NRG1: variants seen among roughly 807,000 people sequenced by gnomAD.
NRG1 encodes the protein pro-neuregulin-1, membrane-bound isoform.
NRG1 carries 18 observed loss-of-function variants against 63.8 expected under a neutral mutation model. That is an observed-to-expected ratio of 0.28 (90% CI 0.19 to 0.42). The LOEUF is 0.42. NRG1 is among the 10% of genes least tolerant of loss of function. NRG1 has a pLI of 1.00. For missense variants in NRG1, 762 were observed against 814.7 expected (o/e 0.94, Z 0.79); for synonymous variants, 302 against 301.3 (o/e 1.00, Z -0.02).
chr8:31,959,263 T>C (rs1292765622), intron 1 of NRG1, among the ~76,000 whole-genome samples: 2 of 152,248 alleles, frequency 1.3e-5, no homozygotes, highest in Non-Finnish European at 2.9e-5. Flanking sequence ...AAATTATCTA[T>C]TCTTGTCTCT....
intron 1 of NRG1, among the ~76,000 whole-genome samples, chr8:31,741,401 C>T (rs920912229): frequency 7.2e-5 from 11 of 151,796 alleles, no homozygotes; most frequent in Admixed American, 7.2e-4. Context: ...TAAATAAATG[C>T]ATTAACTTTT....
At chr8:32,373,586 G>A (rs530872412) in intron 1 of NRG1, among the ~76,000 whole-genome samples, 1 of 152,104 alleles carries the variant, frequency 6.6e-6, no homozygotes, top group African/African-American at 2.4e-5. Context: ...AGACCAGCCT[G>A]GCCAACATGG....
At chr8:31,993,862 C>G (rs368946657) in intron 1 of NRG1, among the ~76,000 whole-genome samples, 1 of 152,042 alleles carries the variant, frequency 6.6e-6, no homozygotes, top group Non-Finnish European at 1.5e-5. Flanking sequence ...AGCCTGATGA[C>G]AGGGATACTA....
chr8:32,332,946 A>T lies in NRG1; in HGVS notation c.38-262882A>T, dbSNP rs538727243. Among the ~76,000 whole-genome samples, 149 of 152,336 alleles carry T rather than the reference A, an allele frequency of 9.8e-4. 2 individuals are homozygous for T. Among genetic ancestry groups the T allele is most frequent in the African/African-American group, 3.4e-3 (141 of 41,574 alleles). On this transcript the variant is annotated intron_variant, in intron 1 of 10. Transcript: ENST00000519301. ...AAGCATTCTGAAGAAAGGAAAGGTT[A>T]CCTGGAATCCCATGACCCTGAAATA...
Position 31,916,662 on chromosome 8 carries a change from C to T in NRG1, c.37+277231C>T, listed in dbSNP as rs1411463011. ...CTATTGTGAATAGTGCTGCAATAAA[C>T]ACATGTGTGCATGTGTCTTTATAGC... On this transcript the variant is annotated intron_variant, in intron 1 of 10. Coordinates refer to the NRG1 transcript ENST00000519301. Among the ~76,000 whole-genome samples the T allele has an allele frequency of 3.3e-5, 5 of 152,256 alleles. No individual in the cohort carries two copies. In the East Asian group the frequency reaches 7.7e-4, roughly 24 times the overall value.
At chr8:31,984,927 T>G (rs958986558) in intron 1 of NRG1, among the ~76,000 whole-genome samples, 7 of 152,022 alleles carry the variant, frequency 4.6e-5, no homozygotes, top group African/African-American at 1.7e-4. Flanking sequence ...GCACTGGGGG[T>G]CGTTTCTGGA....
chr8:32,317,433 C>T (rs1344610386), intron 1 of NRG1, among the ~76,000 whole-genome samples: 1 of 152,158 alleles, frequency 6.6e-6, no homozygotes, highest in Non-Finnish European at 1.5e-5. Flanking sequence ...ATCATTGAAA[C>T]AAAGCCGAGG....
At chr8:32,070,677 A>C (rs1426364993) in intron 1 of NRG1, among the ~76,000 whole-genome samples, 1 of 152,274 alleles carries the variant, frequency 6.6e-6, no homozygotes, top group South Asian at 2.1e-4. Flanking sequence ...GTATCACCCT[A>C]GTCCAAGCTC....
chr8:32,372,066 G>A (rs933969258), intron 1 of NRG1, among the ~76,000 whole-genome samples: 1 of 143,156 alleles, frequency 7.0e-6, no homozygotes, highest in Admixed American at 7.5e-5. Flanking sequence ...ATGACTGACT[G>A]TGGTGTCAAC....
rs868094776 is a variant in NRG1 at position 31,640,555 on chromosome 8, C to T, written c.37+1124C>T. 1 of 1,611,794 alleles carries T rather than the reference C, an allele frequency of 6.2e-7. No individual in the cohort carries two copies. Among genetic ancestry groups the T allele is most frequent in the East Asian group, 2.2e-5 (1 of 44,742 alleles). On this transcript the variant is annotated intron_variant, in intron 1 of 10. Coordinates refer to the NRG1 transcript ENST00000519301. This position sits in a 1 kb window ranked among gnomAD's most constrained non-coding sequence, Gnocchi z 6.3. ...CGTGCGCCTGGGGACCTGGGGCCAC[C>T]CCGCCTTCCCCTCCTGCGGGAGGCT...
chr8:31,972,224 G>A (rs1242883492), intron 1 of NRG1, among the ~76,000 whole-genome samples: 1 of 151,992 alleles, frequency 6.6e-6, no homozygotes, highest in African/African-American at 2.4e-5. Context: ...GAGTTACAAG[G>A]CCCTGGAAAT....
chr8:32,024,944 G>T (rs932552309), intron 1 of NRG1, among the ~76,000 whole-genome samples: 1 of 152,242 alleles, frequency 6.6e-6, no homozygotes, highest in Admixed American at 6.5e-5. Context: ...AGATATATCT[G>T]TATCTATGTC....
At chr8:31,697,097 A>G (rs983118698) in intron 1 of NRG1, among the ~76,000 whole-genome samples, 1 of 152,126 alleles carries the variant, frequency 6.6e-6, no homozygotes, top group Non-Finnish European at 1.5e-5. Context: ...TTTTTCTGGA[A>G]AACTACTGGC....
chr8:32,404,417 G>A (rs940553105), intron 1 of NRG1, among the ~76,000 whole-genome samples: 3 of 151,918 alleles, frequency 2.0e-5, no homozygotes, highest in East Asian at 1.9e-4. Context: ...ATTCATCATC[G>A]TGTCTTCAGT....
At chr8:32,037,061 T>G (rs984388772) in intron 1 of NRG1, among the ~76,000 whole-genome samples, 3 of 152,244 alleles carry the variant, frequency 2.0e-5, no homozygotes, top group Non-Finnish European at 4.4e-5. Context: ...CTTTCTCATC[T>G]GCATGGGTTT....
chr8:32,614,661 C>A lies in NRG1; in HGVS notation c.451+97C>A. The stretch of plus-strand genomic sequence containing the variant: ...AATCAGAACCCCTTCTGCATCCAGA[C>A]CTCTCAGCTGCTCTTGTTTTCTGCT... On this transcript the variant is annotated intron_variant, in intron 4 of 11. Transcript: ENST00000356819. The A allele has an allele frequency of 1.9e-6, 2 of 1,077,890 alleles. 1 individual carries two copies. The highest frequency in any genetic ancestry group is 2.7e-5 in the South Asian group (2 of 72,808). 66.8% of individuals were successfully genotyped at this position (1,077,890 alleles called of 1,614,324 possible).
At chr8:31,645,407 A>G (rs1319010823) in intron 1 of NRG1, among the ~76,000 whole-genome samples, 2 of 152,212 alleles carry the variant, frequency 1.3e-5, no homozygotes, top group South Asian at 2.1e-4. Context: ...TTGTGTTTTC[A>G]TATTGCCTAA....
chr8:32,485,700 T>C (rs1219228616), intron 1 of NRG1, among the ~76,000 whole-genome samples: 1 of 152,202 alleles, frequency 6.6e-6, no homozygotes, highest in Non-Finnish European at 1.5e-5. Flanking sequence ...AAGTAAACAA[T>C]TGTCAGAATA....
intron 1 of NRG1, among the ~76,000 whole-genome samples, chr8:32,356,475 C>T (rs902033138): frequency 1.8e-5 from 1 of 56,218 alleles, no homozygotes; most frequent in South Asian, 5.6e-4. Context: ...CTTGTTGGGA[C>T]CCCCCCCCCA....
Sources: gnomAD v4.1 joint callset for allele counts (sites outside exome capture counted in the v4.1 genomes callset) on GRCh38, gnomAD v4.1.1 for gene constraint, Gnocchi (gnomAD v3.1) non-coding constraint, MANE v1.5 for transcripts, NCBI Gene and HGNC (gene_info 2026-07-23, HGNC 2026-07-21) for gene names.